Variants in CEP250 observed in about 807,000 individuals in gnomAD.
CEP250 encodes the protein centrosome-associated protein CEP250.
Under a neutral mutation model 315.7 loss-of-function variants are expected in CEP250, and 242 were observed. That is an observed-to-expected ratio of 0.77 (90% CI 0.69 to 0.85). The LOEUF is 0.85. Among genes scored for constraint, CEP250 ranks in the 40% least tolerant of loss-of-function variants. CEP250 has a pLI of 0.00. For missense variants in CEP250, 2,515 were observed against 2,886.4 expected (o/e 0.87, Z 2.95); for synonymous variants, 1,088 against 1,175.0 (o/e 0.93, Z 1.51).
chr20:35,511,428 A>G lies in CEP250; in HGVS notation c.7131A>G (p.Ser2377=). The change falls in exon 35 of 35, where the codon TCA becomes TCG. Residue 2377 remains serine, a synonymous_variant. Coordinates refer to ENST00000397527, the MANE Select transcript of CEP250 (RefSeq NM_007186.6). ...AGAAGCAGGACTACATCACCCGCTC[A>G]GCACAGACCAGCCGTGAGCTAGCAG... The part of the protein sequence containing the change: ...RKQKQDYITR[S]AQTSRELAGL... The G allele has an allele frequency of 1.2e-6, 2 of 1,613,754 alleles. No individual in the cohort carries two copies. The highest frequency in any genetic ancestry group is 1.7e-6 in the Non-Finnish European group (2 of 1,179,990).
At chr20:35,492,127 C>A (rs991045437) in intron 22 of CEP250, among the ~76,000 whole-genome samples, 1 of 152,100 alleles carries the variant, frequency 6.6e-6, no homozygotes, top group Non-Finnish European at 1.5e-5. Flanking sequence ...GAAGGCCTCA[C>A]TGAGAAAGTA....
At chr20:35,488,019 G>A (rs1409788901) in intron 20 of CEP250, among the ~76,000 whole-genome samples, 1 of 152,188 alleles carries the variant, frequency 6.6e-6, no homozygotes, top group African/African-American at 2.4e-5. Flanking sequence ...AGATTTGCTT[G>A]AAATACCCCA....
intron 20 of CEP250, among the ~76,000 whole-genome samples, chr20:35,487,050 G>A (rs756460871): frequency 3.3e-5 from 5 of 152,150 alleles, no homozygotes; most frequent in Non-Finnish European, 7.3e-5. Flanking sequence ...TAATCCTCCT[G>A]ACTTCTGATT....
intron 9 of CEP250, among the ~76,000 whole-genome samples, chr20:35,468,926 C>T (rs2062958208): frequency 6.6e-6 from 1 of 152,160 alleles, no homozygotes; most frequent in Admixed American, 6.5e-5. Flanking sequence ...GTCTTTCCAC[C>T]TTGGCCTCCC....
Position 35,467,369 on chromosome 20 carries a change from G to C in CEP250, c.665G>C (p.Arg222Pro), listed in dbSNP as rs78174774. The change falls in exon 9 of 35, where the codon CGC becomes CCC. Residue 222 changes from arginine to proline, a missense_variant. Physicochemically the swap from Arg to Pro is moderately radical, Grantham distance 103. Transcript: ENST00000397527. ...GGGTCTCTGTTGACCTGTTGTCTGCGCTTGACTGTGGGAGCACAGTCTCGG... is the reference window on the plus strand; with the variant it reads ...GGGTCTCTGTTGACCTGTTGTCTGCCCTTGACTGTGGGAGCACAGTCTCGG... ...LSGSLLTCCL[R>P]LTVGAQSREP... 6.2e-7 allele frequency: 1 copy of C among 1,614,128 alleles called. No individual in the cohort carries two copies. The highest frequency in any genetic ancestry group is 1.1e-5 in the South Asian group (1 of 91,082).
chr20:35,509,852 A>G (rs1309605519), intron 33 of CEP250, 146 bp from the exon 34 acceptor site: 3 of 723,252 alleles, frequency 4.1e-6, no homozygotes, highest in Non-Finnish European at 4.9e-6. Context: ...CTGCTGCCCC[A>G]TAGACGTCCA....
At chr20:35,486,034 T>C (rs1478442509) in intron 20 of CEP250, among the ~76,000 whole-genome samples, 1 of 120,344 alleles carries the variant, frequency 8.3e-6, no homozygotes, top group South Asian at 2.5e-4. Flanking sequence ...GTGGATTTAC[T>C]TTTTTTTTTT....
intron 2 of CEP250, among the ~76,000 whole-genome samples, chr20:35,458,848 T>A (rs12373872): frequency 2.7e-3 from 417 of 152,250 alleles, no homozygotes; most frequent in Non-Finnish European, 5.0e-3. Context: ...AATCATTTTT[T>A]AAAACTATTT....
In CEP250 at chr20:35,516,442, G is replaced by C. The variant is rs1034553353; in HGVS notation, c.*4816G>C. 1 of 152,238 alleles carries C rather than the reference G, an allele frequency of 6.6e-6. No homozygotes were observed. The highest frequency in any genetic ancestry group is 2.4e-5 in the African/African-American group (1 of 41,442). The allele number at this position is 152,238 out of a possible 1,614,324, so 9.4% of individuals were successfully genotyped here. On this transcript the variant is annotated 3_prime_UTR_variant, in exon 35 of 35. Transcript: ENST00000397527. Reference sequence around the variant, plus strand: ...GAGTAGTCTCACATTCTAGCTGACTGATGGCCTCGGCTTCTGCTGTTGTAT... The same window carrying C: ...GAGTAGTCTCACATTCTAGCTGACTCATGGCCTCGGCTTCTGCTGTTGTAT...
chr20:35,497,786 T>C lies in CEP250; in HGVS notation c.3374T>C (p.Leu1125Pro). Reference sequence around the variant, plus strand: ...TTTCTGGCCCAGGAAGCACAGCTGCTGGAGGAGCTGGAGGCGTCTCATATC... The same window carrying C: ...TTTCTGGCCCAGGAAGCACAGCTGCCGGAGGAGCTGGAGGCGTCTCATATC... ...ADFLAQEAQL[L>P]EELEASHITE... Residue 1125 changes from leucine (L) to proline (P), a missense_variant, in exon 26 of 35, where the codon CTG becomes CCG. By Grantham distance (98) the Leu-to-Pro change is moderately conservative (BLOSUM62 -3). Coordinates refer to ENST00000397527, the MANE Select transcript of CEP250 (RefSeq NM_007186.6). 6.4e-7 allele frequency: 1 copy of C among 1,560,134 alleles called. No individual in the cohort carries two copies. The highest frequency in any genetic ancestry group is 1.2e-5 in the South Asian group (1 of 84,778).
At position 35,475,628 on chromosome 20, in the gene CEP250, G is replaced by A. The variant is rs1313962877; in HGVS notation, c.1698G>A (p.Val566=). ...TACTGAGGCAAGAGCAAACGGAAGT[G>A]ACCGCAGCGCTGGCTAGGGTGCGTG... ...GELLRQEQTE[V]TAALARAEQS... is the part of the protein sequence containing the mutation. The change falls in exon 15 of 35, where the codon GTG becomes GTA. Residue 566 remains valine, a synonymous_variant. Transcript: ENST00000397527. 1 of 1,613,848 alleles carries A rather than the reference G, an allele frequency of 6.2e-7. No individual in the cohort carries two copies. The highest frequency in any genetic ancestry group is 8.5e-7 in the Non-Finnish European group (1 of 1,180,024).
chr20:35,504,382 C>T lies in CEP250; in HGVS notation c.6013C>T (p.Leu2005=), dbSNP rs2064120413. 2.5e-6 allele frequency: 4 copies of T among 1,601,170 alleles called. No homozygotes were observed. The East Asian group carries it at 9.0e-5, about 36-fold the overall frequency. ...EASTATLQAS[L]DACQAHSRQL... ...CAGCACTGCAACCCTGCAAGCCTCCCTGGATGCCTGCCAGGCACACAGTCG... is the reference window on the plus strand; with the variant it reads ...CAGCACTGCAACCCTGCAAGCCTCCTTGGATGCCTGCCAGGCACACAGTCG... The change falls in exon 30 of 35, where the codon CTG becomes TTG. Residue 2005 remains leucine, a synonymous_variant. Transcript: ENST00000397527.
At position 35,501,906 on chromosome 20, in the gene CEP250, A is replaced by G. The variant is rs1352513537; in HGVS notation, c.3960A>G (p.Glu1320=). 6.2e-7 allele frequency: 1 copy of G among 1,613,722 alleles called. No individual in the cohort carries two copies. Among genetic ancestry groups the G allele is most frequent in the African/African-American group, 1.3e-5 (1 of 75,040 alleles). The change falls in exon 29 of 35, where the codon GAA becomes GAG. Residue 1320 remains glutamate, a synonymous_variant. Coordinates refer to ENST00000397527, the MANE Select transcript of CEP250 (RefSeq NM_007186.6). ...AATCTGAGCTGATGGAACTACATGA[A>G]ACTATGGCATCCTTACAGAGTCGCC... The part of the protein sequence containing the change: ...SLESELMELH[E]TMASLQSRLR...
At chr20:35,462,835 C>T (rs1034115097) in intron 4 of CEP250, among the ~76,000 whole-genome samples, 3 of 152,058 alleles carry the variant, frequency 2.0e-5, no homozygotes, top group Non-Finnish European at 2.9e-5. Flanking sequence ...GATCACAGAT[C>T]GCTGCAGCCT....
At chr20:35,458,138 A>G (rs568356614) in intron 1 of CEP250, among the ~76,000 whole-genome samples, 166 bp from the exon 2 acceptor site, 2 of 152,356 alleles carry the variant, frequency 1.3e-5, no homozygotes, top group South Asian at 4.1e-4. Context: ...TCTATTTAAT[A>G]CCATTCTGCA....
At chr20:35,475,709 C>T (rs1312713933) in intron 15 of CEP250, 63 bp downstream of exon 15, 12 of 1,545,316 alleles carry the variant, frequency 7.8e-6, no homozygotes, top group Non-Finnish European at 1.1e-5. Flanking sequence ...CCCATGCAGC[C>T]TGCCTCATTC....
At chr20:35,480,623 C>G (rs1010146799) in intron 20 of CEP250, among the ~76,000 whole-genome samples, 2 of 134,516 alleles carry the variant, frequency 1.5e-5, no homozygotes, top group Non-Finnish European at 3.1e-5. Context: ...GAGACAGTCT[C>G]ACTCTGTCCC....
chr20:35,498,813 A>G, intron 27 of CEP250, 97 bp downstream of exon 27: 1 of 1,397,284 alleles, frequency 7.2e-7, no homozygotes, highest in Non-Finnish European at 9.5e-7. Context: ...TATTCCTGAG[A>G]TCAAGTTGGG....
chr20:35,463,662 G>C (rs2062808689), intron 5 of CEP250, 31 bp downstream of exon 5: 2 of 1,578,876 alleles, frequency 1.3e-6, no homozygotes, highest in East Asian at 4.6e-5. Flanking sequence ...TGCACCCCCT[G>C]GGTCCTCAGT....
Sources: gnomAD v4.1 joint callset for allele counts (sites outside exome capture counted in the v4.1 genomes callset) on GRCh38, gnomAD v4.1.1 for gene constraint, MANE v1.5 for transcripts, NCBI Gene and HGNC (gene_info 2026-07-23, HGNC 2026-07-21) for gene names.